The following ZNF536 variants were observed in gnomAD, a reference collection of about 807,000 sequenced individuals.
ZNF536 encodes zinc finger protein 536.
ZNF536 carries 13 observed loss-of-function variants against 84.5 expected under a neutral mutation model. That is an observed-to-expected ratio of 0.15 (90% CI 0.10 to 0.24). The LOEUF is 0.24. Among genes scored for constraint, ZNF536 ranks in the 10% least tolerant of loss-of-function variants. The probability of loss-of-function intolerance (pLI) is 1.00; values close to 1 mark genes in which losing one functional copy is unlikely to be tolerated. For missense variants in ZNF536, 1,536 were observed against 1,747.5 expected (o/e 0.88, Z 2.16); for synonymous variants, 811 against 742.5 (o/e 1.09, Z -1.50).
chr19:30,302,554 C>A (rs1055147734), intron 2 of ZNF536, among the ~76,000 whole-genome samples: 1 of 152,124 alleles, frequency 6.6e-6, no homozygotes, highest in South Asian at 2.1e-4. Context: ...AGACACAGGA[C>A]AAGAACTCAG....
chr19:30,611,862 G>A (rs1473047030), intron 1 of ZNF536, among the ~76,000 whole-genome samples: 1 of 152,196 alleles, frequency 6.6e-6, no homozygotes, highest in African/African-American at 2.4e-5. Flanking sequence ...AATATCTGCT[G>A]CAAATATATG....
At chr19:30,713,240 T>C (rs946161832) in exon 2 of ZNF536, 1 of 152,242 alleles carries the variant, frequency 6.6e-6, no homozygotes, top group Non-Finnish European at 1.5e-5. Flanking sequence ...GCCACAGTGA[T>C]GCAGCGTCAG....
At chr19:30,588,389 C>A (rs1364457082) in intron 1 of ZNF536, among the ~76,000 whole-genome samples, 1 of 152,120 alleles carries the variant, frequency 6.6e-6, no homozygotes, top group East Asian at 1.9e-4. Context: ...AAGGTCCTAC[C>A]TGTTTGGCCC....
At chr19:30,588,915 G>T (rs1371140783) in intron 1 of ZNF536, among the ~76,000 whole-genome samples, 4 of 152,164 alleles carry the variant, frequency 2.6e-5, no homozygotes, top group Non-Finnish European at 4.4e-5. Context: ...ATGCGAATAT[G>T]GCAAGCGTCA....
At chr19:30,475,070 G>A (rs898378193) in intron 2 of ZNF536, among the ~76,000 whole-genome samples, 5 of 151,896 alleles carry the variant, frequency 3.3e-5, no homozygotes, top group South Asian at 2.1e-4. Context: ...TTATTTTTGC[G>A]TTATTGTTGT....
intron 2 of ZNF536, among the ~76,000 whole-genome samples, chr19:30,298,726 A>G (rs1229332490): frequency 2.0e-5 from 3 of 152,190 alleles, no homozygotes; most frequent in Admixed American, 6.5e-5. Context: ...GAACCTGGGA[A>G]TCTTCGTTTC....
chr19:30,515,427 C>T (rs553663318), intron 2 of ZNF536, among the ~76,000 whole-genome samples: 1 of 152,218 alleles, frequency 6.6e-6, no homozygotes, highest in South Asian at 2.1e-4. Flanking sequence ...TTATTATCAC[C>T]ATTACTTTTA....
chr19:30,398,150 C>A (rs1239961207), intron 1 of ZNF536, among the ~76,000 whole-genome samples: 1 of 152,148 alleles, frequency 6.6e-6, no homozygotes, highest in Non-Finnish European at 1.5e-5. Flanking sequence ...ATGTACCTGG[C>A]CACTTCTGTG....
In ZNF536 at chr19:30,443,242, C is replaced by G. The variant is rs1376837769; in HGVS notation, c.-2-319C>G. Among the ~76,000 whole-genome samples, 9 of 152,218 alleles carry G rather than the reference C, an allele frequency of 5.9e-5. No homozygotes were observed. The East Asian group carries it at 1.7e-3, about 29-fold the overall frequency. On this transcript the variant is annotated intron_variant, in intron 1 of 4. Transcript: ENST00000355537. ...CAATGGGGCAACGGAGAAAAAGTTT[C>G]ACACGTAGACCCTTGATTTGTTATT...
At chr19:30,364,374 A>G (rs2048361850) in intron 3 of ZNF536, among the ~76,000 whole-genome samples, 1 of 152,016 alleles carries the variant, frequency 6.6e-6, no homozygotes, top group South Asian at 2.1e-4. Flanking sequence ...AAAATATACA[A>G]AAATTAGCTG....
chr19:30,530,762 G>A (rs1188559354), intron 2 of ZNF536, among the ~76,000 whole-genome samples: 2 of 152,208 alleles, frequency 1.3e-5, no homozygotes, highest in Non-Finnish European at 2.9e-5. Context: ...GCCAGGAGAA[G>A]TGATGGGACT....
At chr19:30,451,995 G>A (rs1314784202) in intron 2 of ZNF536, among the ~76,000 whole-genome samples, 2 of 152,230 alleles carry the variant, frequency 1.3e-5, no homozygotes, top group African/African-American at 4.8e-5. Flanking sequence ...CCATTGACTC[G>A]AATGGGAGGT....
At chr19:30,264,125 G>A (rs1568542017) in intron 1 of ZNF536, among the ~76,000 whole-genome samples, 1 of 152,196 alleles carries the variant, frequency 6.6e-6, no homozygotes, top group African/African-American at 2.4e-5. Context: ...CACCCACCAT[G>A]GTGGCGCTCC....
At chr19:30,598,432 A>C (rs1410048561) in intron 1 of ZNF536, among the ~76,000 whole-genome samples, 1 of 152,184 alleles carries the variant, frequency 6.6e-6, no homozygotes. Flanking sequence ...GAGCCACATA[A>C]ATAATTTTGA....
At chr19:30,403,412 G>T (rs1020848632) in intron 1 of ZNF536, among the ~76,000 whole-genome samples, 1 of 152,204 alleles carries the variant, frequency 6.6e-6, no homozygotes, top group Admixed American at 6.5e-5. Context: ...GGCTGCGCAA[G>T]AATGTGTTTC....
In ZNF536 at chr19:30,396,046, A is replaced by G. The variant is rs77270953; in HGVS notation, c.-3+23490A>G. ...GCGTACATTCTGTGGGTTCTGACAAATGTATCATGACATGTATCCACCATT... is the reference window on the plus strand; with the variant it reads ...GCGTACATTCTGTGGGTTCTGACAAGTGTATCATGACATGTATCCACCATT... On this transcript the variant is annotated intron_variant, in intron 1 of 4. Transcript: ENST00000355537. Among the ~76,000 whole-genome samples, 656 of 152,290 alleles carry G rather than the reference A, an allele frequency of 4.3e-3. 8 individuals are homozygous for G. Among genetic ancestry groups the G allele is most frequent in the African/African-American group, 0.015 (638 of 41,562 alleles).
At chr19:30,338,299 G>T (rs111067322) in intron 2 of ZNF536, among the ~76,000 whole-genome samples, 2,318 of 151,654 alleles carry the variant, frequency 0.015, 61 homozygotes, top group African/African-American at 0.053. Context: ...ATAATATGAT[G>T]ATGACAATGA....
intron 1 of ZNF536, among the ~76,000 whole-genome samples, chr19:30,635,271 T>C (rs1311947569): frequency 6.6e-6 from 1 of 152,248 alleles, no homozygotes; most frequent in Non-Finnish European, 1.5e-5. Context: ...GGTGCAGTGT[T>C]GGCACAGCCC....
intron 1 of ZNF536, among the ~76,000 whole-genome samples, chr19:30,384,565 G>A (rs2049260744): frequency 6.6e-6 from 1 of 151,498 alleles, no homozygotes; most frequent in Non-Finnish European, 1.5e-5. Context: ...TGGTTGCATG[G>A]GACCTTCAGG....
Sources: allele counts gnomAD v4.1 joint callset (sites outside exome capture counted in the v4.1 genomes callset), GRCh38; gene constraint gnomAD v4.1.1; transcripts MANE v1.5; gene names NCBI Gene and HGNC (gene_info 2026-07-23, HGNC 2026-07-21).